The following DBT variants were observed in gnomAD, a reference collection of about 807,000 sequenced individuals.
DBT encodes the protein lipoamide acyltransferase component of branched-chain alpha-keto acid dehydrogenase complex, mitochondrial.
Under a neutral mutation model 51.3 loss-of-function variants are expected in DBT, and 40 were observed. The ratio of observed to expected loss-of-function variants is 0.78; its 90% CI spans 0.61 to 1.02. The LOEUF is 1.02. DBT is among the 50% of genes least tolerant of loss of function. The pLI, the probability that DBT is intolerant of heterozygous loss-of-function variation, is 0.00. For synonymous variants in DBT, 181 were observed against 190.4 expected (o/e 0.95, Z 0.41); for missense variants, 510 against 580.2 (o/e 0.88, Z 1.24).
intron 4 of DBT, among the ~76,000 whole-genome samples, chr1:100,225,052 T>TACACACACACAC (rs71084808): frequency 3.8e-5 from 3 of 79,030 alleles, no homozygotes; most frequent in East Asian, 4.0e-4. Context: ...AATATATATA[T>TACACACACACAC]ACACACACAC....
chr1:100,216,246 C>T (rs772271073), intron 5 of DBT, 47 bp from the exon 6 acceptor site: 2 of 1,341,474 alleles, frequency 1.5e-6, no homozygotes, highest in East Asian at 2.3e-5. Context: ...TATTTAAAAA[C>T]ATCATTAAAG....
In DBT at chr1:100,230,978, T is replaced by C. The variant is rs547494264; in HGVS notation, c.252-64A>G. ...TCATAAGTACAGATCATATTAAGGA[T>C]GTAAATGCCATGCTGAGTTAGATCA... is the stretch of plus-strand genomic sequence containing the variant. On this transcript the variant is annotated intron_variant, in intron 3 of 10. Coordinates refer to ENST00000370132, the MANE Select transcript of DBT (RefSeq NM_001918.5). The C allele has an allele frequency of 1.1e-4, 111 of 980,822 alleles. 1 individual carries two copies. In the South Asian group the frequency reaches 1.4e-3, roughly 12 times the overall value. 60.8% of individuals were successfully genotyped at this position (980,822 alleles called of 1,614,324 possible).
At chr1:100,248,776 C>G (rs1328821728) in intron 1 of DBT, among the ~76,000 whole-genome samples, 1 of 152,166 alleles carries the variant, frequency 6.6e-6, no homozygotes, top group Non-Finnish European at 1.5e-5. Flanking sequence ...TTATCTCTTA[C>G]TTATCCTTCT....
chr1:100,194,311 G>C lies in DBT; in HGVS notation c.*1944C>G, dbSNP rs1032358959. On this transcript the variant is annotated 3_prime_UTR_variant, in exon 11 of 11. Transcript: ENST00000370132. ...GCTTCCTGAGTAGCTGGGACTATAG[G>C]TGCACACCACCACACTTGGCTTTTT... 5.9e-5 allele frequency: 9 copies of C among 151,294 alleles called. No individual in the cohort carries two copies. Among genetic ancestry groups the C allele is most frequent in the Admixed American group, 2.6e-4 (4 of 15,162 alleles). The allele number at this position is 151,294 out of a possible 1,614,324, so 9.4% of individuals were successfully genotyped here.
intron 7 of DBT, among the ~76,000 whole-genome samples, chr1:100,214,020 T>C (rs1230834303): frequency 2.6e-5 from 4 of 151,934 alleles, no homozygotes; most frequent in Admixed American, 6.6e-5. Flanking sequence ...ACATGGTAGC[T>C]GCTGCACAGT....
intron 1 of DBT, among the ~76,000 whole-genome samples, chr1:100,243,981 A>G (rs1339409938): frequency 7.0e-6 from 1 of 143,264 alleles, no homozygotes; most frequent in Non-Finnish European, 1.5e-5. Flanking sequence ...GTGATAAAGG[A>G]GTTTAAGCAG....
At chr1:100,227,094 T>C (rs545845642) in intron 4 of DBT, among the ~76,000 whole-genome samples, 1 of 152,346 alleles carries the variant, frequency 6.6e-6, no homozygotes, top group East Asian at 1.9e-4. Flanking sequence ...GTTATTGTCC[T>C]GAATATTGTA....
At position 100,225,042 on chromosome 1, in the gene DBT, A is replaced by AAAAAT. The variant is rs59482100; in HGVS notation, c.433+5690_433+5691insATTTT. 7.5e-4 allele frequency among the ~76,000 whole-genome samples: 34 copies of AAAAAT among 45,628 alleles called. 1 individual carries two copies. Among genetic ancestry groups the AAAAAT allele is most frequent in the African/African-American group, 1.9e-3 (28 of 14,868 alleles). The allele number at this position is 45,628 out of a possible 152,430, so 29.9% of individuals were successfully genotyped here. A position where few individuals can be genotyped will look rare whatever the true frequency, so the allele number is the denominator to read the frequency against. ...CCCCCCAAAAAAAAAAAAAAAAAAA[A>AAAAAT]ATATATATATACACACACACACACA... On this transcript the variant is annotated intron_variant, in intron 4 of 10. Coordinates refer to ENST00000370132, the MANE Select transcript of DBT (RefSeq NM_001918.5).
chr1:100,216,043 G>T lies in DBT; in HGVS notation c.712C>A (p.Pro238Thr), dbSNP rs1452301792. 6.2e-7 allele frequency: 1 copy of T among 1,613,378 alleles called. No homozygotes were observed. The highest frequency in any genetic ancestry group is 8.5e-7 in the Non-Finnish European group (1 of 1,179,538). The change falls in exon 6 of 11, where the codon CCT becomes ACT. Residue 238 changes from proline to threonine, a missense_variant. Transcript: ENST00000370132. ...PPPKPKDMTV[P>T]ILVSKPPVFT... is the part of the protein sequence containing the mutation. ...ACCGGAGGTTTTGATACTAGTATAG[G>T]AACAGTCATGTCTTTTGGCTTTGGT...
intron 5 of DBT, 40 bp from the exon 6 acceptor site, chr1:100,216,239 T>C: frequency 7.2e-7 from 1 of 1,379,548 alleles, no homozygotes; most frequent in Non-Finnish European, 1.0e-6. Flanking sequence ...ATACAACTAT[T>C]TAAAAACATC....
At position 100,240,881 on chromosome 1, in the gene DBT, A is replaced by G; in HGVS notation, c.55T>C (p.Cys19Arg). ...CCACATGTTTGAAAATAGCGAACAC[A>G]AATCTACAGATGAGAAAACAAAAAG... Reference protein sequence around the residue: ...TWSRNAGKLICVRYFQTCGNV... With the variant: ...TWSRNAGKLIRVRYFQTCGNV... Residue 19 changes from cysteine (C) to arginine (R), a missense_variant, in exon 2 of 11, where the codon TGT (cysteine) becomes CGT (arginine). Cys to Arg is a radical substitution (Grantham distance 180, BLOSUM62 -3). Coordinates refer to ENST00000370132, the MANE Select transcript of DBT (RefSeq NM_001918.5). 1 of 1,613,464 alleles carries G rather than the reference A, an allele frequency of 6.2e-7. No individual in the cohort carries two copies. Among genetic ancestry groups the G allele is most frequent in the African/African-American group, 1.3e-5 (1 of 75,032 alleles).
intron 10 of DBT, among the ~76,000 whole-genome samples, chr1:100,205,946 A>G (rs1439401717): frequency 6.6e-6 from 1 of 152,080 alleles, no homozygotes; most frequent in African/African-American, 2.4e-5. Context: ...GGGCTAGGGG[A>G]GGAATATCAC....
Position 100,206,072 on chromosome 1 carries a change from TAA to T in DBT, c.1281+156_1281+157del, listed in dbSNP as rs35150096. Among the ~76,000 whole-genome samples, 398 of 124,812 alleles carry T rather than the reference TAA, an allele frequency of 3.2e-3. No homozygotes were observed. The highest frequency in any genetic ancestry group is 3.5e-3 in the Non-Finnish European group (210 of 59,818). 81.9% of individuals were successfully genotyped at this position (124,812 alleles called of 152,430 possible). On this transcript the variant is annotated intron_variant, in intron 10 of 10. Coordinates refer to ENST00000370132, the MANE Select transcript of DBT (RefSeq NM_001918.5). ...GCACATGTATCCCAGAACTTAAAGT[TAA>T]AAAAAAAAAAAAAAAAGAAATAATA... is the stretch of plus-strand genomic sequence containing the variant.
Position 100,187,821 on chromosome 1 carries a change from G to A in DBT, c.*8434C>T, listed in dbSNP as rs558033346. ...TTCATATTTCTACAAATATTTTATG[G>A]AATGTTTAATATCTTGTAAATGTGG... On this transcript the variant is annotated 3_prime_UTR_variant, in exon 11 of 11. Transcript: ENST00000370132. 2 of 152,018 alleles carry A rather than the reference G, an allele frequency of 1.3e-5. No individual in the cohort carries two copies. Among genetic ancestry groups the A allele is most frequent in the Admixed American group, 6.6e-5 (1 of 15,246 alleles). The allele number at this position is 152,018 out of a possible 1,614,324, so 9.4% of individuals were successfully genotyped here.
At chr1:100,244,254 T>C (rs1274489097) in intron 1 of DBT, among the ~76,000 whole-genome samples, 1 of 152,080 alleles carries the variant, frequency 6.6e-6, no homozygotes, top group African/African-American at 2.4e-5. Context: ...ACAGCAGAAA[T>C]TGACTTAGCA....
At chr1:100,239,767 G>A (rs1664097871) in intron 2 of DBT, among the ~76,000 whole-genome samples, 2 of 150,214 alleles carry the variant, frequency 1.3e-5, no homozygotes, top group Non-Finnish European at 2.9e-5. Context: ...GGAGGTTGAG[G>A]CAGGAGGATC....
intron 8 of DBT, among the ~76,000 whole-genome samples, chr1:100,209,397 GC>G (rs1404587802): frequency 6.6e-6 from 1 of 151,654 alleles, no homozygotes; most frequent in Admixed American, 6.6e-5. Context: ...ACCACACCCG[GC>G]CAACATCATT....
At chr1:100,205,187 C>T (rs954230578) in intron 10 of DBT, among the ~76,000 whole-genome samples, 29 of 152,066 alleles carry the variant, frequency 1.9e-4, no homozygotes, top group African/African-American at 7.0e-4. Context: ...AATGGGAGAA[C>T]ATTTTTGCAA....
At chr1:100,200,750 G>T (rs967533853) in intron 10 of DBT, among the ~76,000 whole-genome samples, 1 of 152,216 alleles carries the variant, frequency 6.6e-6, no homozygotes, top group South Asian at 2.1e-4. Flanking sequence ...CTCCACTGGT[G>T]ATACCCAGGC....
Sources: gnomAD v4.1 joint callset for allele counts (sites outside exome capture counted in the v4.1 genomes callset) on GRCh38, gnomAD v4.1.1 for gene constraint, MANE v1.5 for transcripts, NCBI Gene and HGNC (gene_info 2026-07-23, HGNC 2026-07-21) for gene names.